The following COL21A1 variants were observed in gnomAD, a reference collection of about 807,000 sequenced individuals.
The protein encoded by COL21A1 is collagen type XXI alpha 1 chain.
In COL21A1, 149 loss-of-function variants were observed where a neutral mutation model predicts 137.9. That is an observed-to-expected ratio of 1.08 (90% CI 0.95 to 1.24). COL21A1 has a LOEUF of 1.24. Among genes scored for constraint, COL21A1 ranks in the 50% most tolerant of loss-of-function variants. The probability of loss-of-function intolerance (pLI) is 0.00; values close to 1 mark genes in which losing one functional copy is unlikely to be tolerated. For synonymous variants in COL21A1, 456 were observed against 391.5 expected, an observed-to-expected ratio of 1.16 and a Z score of -1.95; for missense variants, 1,167 against 1,158.4, an observed-to-expected ratio of 1.01 and a Z score of -0.11.
intron 1 of COL21A1, among the ~76,000 whole-genome samples, chr6:56,195,781 G>T (rs1778980179): frequency 6.6e-6 from 1 of 152,122 alleles, no homozygotes; most frequent in South Asian, 2.1e-4. Context: ...ACAGCTTCAT[G>T]ATGAATTCTA....
intron 1 of COL21A1, among the ~76,000 whole-genome samples, chr6:56,323,539 A>G (rs1764926062): frequency 6.6e-6 from 1 of 152,024 alleles, no homozygotes; most frequent in African/African-American, 2.4e-5. Context: ...ACAGGTGCAC[A>G]CCACTGTGCC....
chr6:56,206,693 AATAAATATATATATATAT>A (rs1330952899), intron 1 of COL21A1, among the ~76,000 whole-genome samples: 2,024 of 127,906 alleles, frequency 0.016, 68 homozygotes, highest in African/African-American at 0.052. Flanking sequence ...TAAATAAATA[AATAAATATATATATATAT>A]ATATATATAT....
At chr6:56,234,747 C>T (rs985845096) in intron 1 of COL21A1, among the ~76,000 whole-genome samples, 1 of 151,692 alleles carries the variant, frequency 6.6e-6, no homozygotes. Context: ...TCTTCCTCTG[C>T]TTAAAAAATC....
chr6:56,126,592 T>C (rs1227476248), intron 12 of COL21A1: 1 of 155,666 alleles, frequency 6.4e-6, no homozygotes, highest in Non-Finnish European at 1.4e-5. Flanking sequence ...AAATTGCTTA[T>C]CTTACTAATT....
chr6:56,095,107 A>G (rs1322120348), intron 17 of COL21A1, among the ~76,000 whole-genome samples: 1 of 152,162 alleles, frequency 6.6e-6, no homozygotes, highest in Non-Finnish European at 1.5e-5. Flanking sequence ...TTTTATTGAA[A>G]TTTTATTAAT....
intron 10 of COL21A1, among the ~76,000 whole-genome samples, chr6:56,142,362 C>G (rs532253538): frequency 2.0e-5 from 3 of 152,080 alleles, no homozygotes; most frequent in Non-Finnish European, 4.4e-5. Context: ...TTGTAAACCA[C>G]CTAATTAATG....
chr6:56,177,885 T>G (rs1777615763), intron 3 of COL21A1, among the ~76,000 whole-genome samples: 4 of 152,054 alleles, frequency 2.6e-5, no homozygotes, highest in Non-Finnish European at 5.9e-5. Context: ...ATGGCTATTG[T>G]GCAACAGATA....
chr6:56,153,210 A>G (rs1185265583), intron 10 of COL21A1, among the ~76,000 whole-genome samples: 1 of 152,158 alleles, frequency 6.6e-6, no homozygotes, highest in Non-Finnish European at 1.5e-5. Context: ...ATTCAAATAG[A>G]AGCTGTCTTA....
intron 24 of COL21A1, 43 bp from the exon 25 acceptor site, chr6:56,061,724 C>A: frequency 1.4e-6 from 2 of 1,382,582 alleles, no homozygotes; most frequent in South Asian, 1.3e-5. Context: ...GTGCAAGCTA[C>A]AGTACTGTAA....
chr6:56,061,131 A>ATACATATT, intron 25 of COL21A1, 94 bp from the exon 26 acceptor site: 4 of 996,340 alleles, frequency 4.0e-6, no homozygotes, highest in Non-Finnish European at 5.7e-6. Context: ...ATATGCATGT[A>ATACATATT]TACATATGTA....
chr6:56,146,173 G>A lies in COL21A1; in HGVS notation c.1435-4190C>T, dbSNP rs535756561. Among the ~76,000 whole-genome samples, 25 of 152,146 alleles carry A rather than the reference G, an allele frequency of 1.6e-4. No individual in the cohort carries two copies. In the East Asian group the frequency reaches 4.2e-3, roughly 26 times the overall value. On this transcript the variant is annotated intron_variant, in intron 10 of 29. Transcript: ENST00000244728. ...CTTAAAAATAAGAATAAATTCCAAA[G>A]AAATAATTTTGGATGTCACCCTCCT...
intron 16 of COL21A1, among the ~76,000 whole-genome samples, chr6:56,117,006 A>G (rs1183882147): frequency 1.3e-5 from 2 of 152,016 alleles, no homozygotes; most frequent in African/African-American, 4.8e-5. Flanking sequence ...CATCTTCACT[A>G]GAGGACAATA....
chr6:56,061,149 AAGG>A, intron 25 of COL21A1, 112 bp from the exon 26 acceptor site: 8 of 850,502 alleles, frequency 9.4e-6, no homozygotes, highest in Non-Finnish European at 1.4e-5. Context: ...GTAAATATGT[AAGG>A]TATGTAAGGA....
intron 16 of COL21A1, among the ~76,000 whole-genome samples, chr6:56,111,134 C>T (rs1771392402): frequency 7.4e-6 from 1 of 135,692 alleles, no homozygotes; most frequent in African/African-American, 2.9e-5. Context: ...ACACTTGAAC[C>T]CTCTGTTATC....
intron 17 of COL21A1, among the ~76,000 whole-genome samples, chr6:56,100,127 C>T (rs1770322118): frequency 6.6e-6 from 1 of 152,344 alleles, no homozygotes; most frequent in East Asian, 1.9e-4. Context: ...GCAACAGAGA[C>T]CCTTCTCTGC....
At chr6:56,334,077 T>C (rs1765288788) in intron 1 of COL21A1, among the ~76,000 whole-genome samples, 1 of 105,034 alleles carries the variant, frequency 9.5e-6, no homozygotes, top group Non-Finnish European at 2.0e-5. Flanking sequence ...CTAAGAGCTA[T>C]AGAAAGAGGG....
intron 1 of COL21A1, among the ~76,000 whole-genome samples, chr6:56,195,977 TAC>T (rs1778994442): frequency 6.6e-6 from 1 of 152,124 alleles, no homozygotes; most frequent in Non-Finnish European, 1.5e-5. Flanking sequence ...CTCAATAACC[TAC>T]TAGTAAACTA....
intron 1 of COL21A1, among the ~76,000 whole-genome samples, chr6:56,320,563 T>A (rs1489179978): frequency 6.6e-6 from 1 of 151,414 alleles, no homozygotes; most frequent in African/African-American, 2.4e-5. Context: ...CCCACTCTCC[T>A]TTTCTTCTCT....
At chr6:56,240,049 C>T (rs73457179) in intron 1 of COL21A1, among the ~76,000 whole-genome samples, 6,048 of 152,136 alleles carry the variant, frequency 0.04, 146 homozygotes, top group African/African-American at 0.057. Flanking sequence ...GGGGAAACCC[C>T]TTCCGCTTGG....
Sources: allele counts gnomAD v4.1 joint callset (sites outside exome capture counted in the v4.1 genomes callset), GRCh38; gene constraint gnomAD v4.1.1; transcripts MANE v1.5; gene names NCBI Gene and HGNC (gene_info 2026-07-23, HGNC 2026-07-21).